CPVL: variants seen among roughly 807,000 people sequenced by gnomAD.
CPVL encodes carboxypeptidase vitellogenic like, also known as probable serine carboxypeptidase CPVL.
Under a neutral mutation model 63.7 loss-of-function variants are expected in CPVL, and 51 were observed. That is an observed-to-expected ratio of 0.80 (90% CI 0.64 to 1.01). CPVL has a LOEUF of 1.01. CPVL is among the 50% of genes least tolerant of loss of function. The pLI, the probability that CPVL is intolerant of heterozygous loss-of-function variation, is 0.00. For synonymous variants in CPVL, 195 were observed against 206.0 expected (o/e 0.95, Z 0.46); for missense variants, 530 against 573.1 (o/e 0.92, Z 0.77).
At chr7:29,086,590 A>T (rs759691043) in intron 6 of CPVL, 40 bp from the exon 7 acceptor site, 1 of 1,408,776 alleles carries the variant, frequency 7.1e-7, no homozygotes, top group Non-Finnish European at 1.0e-6. Context: ...ATTAATCAGA[A>T]AAATGATTCA....
chr7:29,187,310 G>A (rs191787667), intron 1 of CPVL, among the ~76,000 whole-genome samples: 350 of 152,104 alleles, frequency 2.3e-3, no homozygotes, highest in African/African-American at 7.7e-3. Context: ...CCAGATGTAA[G>A]ACATTATCAT....
At chr7:29,063,966 T>TAAAA in intron 11 of CPVL, 95 bp downstream of exon 11, 5 of 691,890 alleles carry the variant, frequency 7.2e-6, no homozygotes, top group Non-Finnish European at 1.2e-5. Flanking sequence ...TCATAAAAGT[T>TAAAA]AAAAAAAAAA....
At chr7:29,151,998 G>C (rs1793658543) in intron 5 of CPVL, among the ~76,000 whole-genome samples, 1 of 152,144 alleles carries the variant, frequency 6.6e-6, no homozygotes, top group Non-Finnish European at 1.5e-5. Context: ...TCTTGTTTAG[G>C]TTTTATTTTA....
chr7:29,122,048 T>C (rs1789440018), intron 1 of CPVL, among the ~76,000 whole-genome samples: 1 of 152,230 alleles, frequency 6.6e-6, no homozygotes, highest in Non-Finnish European at 1.5e-5. Context: ...TGTATAATTA[T>C]TTACTTGAAC....
At chr7:29,125,152 CATA>C (rs1789864857) in intron 1 of CPVL, 1 of 152,080 alleles carries the variant, frequency 6.6e-6, no homozygotes, top group African/African-American at 2.4e-5. Context: ...GAGTACAGTT[CATA>C]ATGAGAGTGC....
chr7:29,031,661 T>A lies in CPVL; in HGVS notation c.1138-902A>T, dbSNP rs114339892. On this transcript the variant is annotated intron_variant, in intron 11 of 12. Coordinates refer to ENST00000265394, the MANE Select transcript of CPVL (RefSeq NM_031311.5). ...GTAGAATATATTCTAGGAAAACAGG[T>A]CCAAAGAAATTTTAAAAAATTATAT... Among the ~76,000 whole-genome samples, 1,423 of 151,992 alleles carry A rather than the reference T, an allele frequency of 9.4e-3. 28 individuals carry two copies. Among genetic ancestry groups the A allele is most frequent in the African/African-American group, 0.033 (1,356 of 41,454 alleles).
intron 1 of CPVL, among the ~76,000 whole-genome samples, chr7:29,137,898 C>G (rs1791415684): frequency 2.0e-5 from 3 of 152,136 alleles, no homozygotes; most frequent in African/African-American, 7.2e-5. Context: ...CAGTAGAGAG[C>G]TGATCAGGGA....
intron 5 of CPVL, among the ~76,000 whole-genome samples, chr7:29,161,021 C>T (rs1795101884): frequency 3.3e-5 from 5 of 152,098 alleles, no homozygotes; most frequent in Admixed American, 3.3e-4. Flanking sequence ...TTTAATTTCT[C>T]ACCCTTCTTT....
chr7:29,157,664 G>C (rs1794594964), intron 5 of CPVL, among the ~76,000 whole-genome samples: 2 of 152,260 alleles, frequency 1.3e-5, no homozygotes, highest in African/African-American at 4.8e-5. Context: ...TGTTTCATTG[G>C]AGATAAATCC....
intron 1 of CPVL, chr7:29,126,621 G>C (rs1197616778): frequency 6.6e-6 from 1 of 152,178 alleles, no homozygotes; most frequent in Non-Finnish European, 1.5e-5. Flanking sequence ...AACAAACAAA[G>C]AGCAGGTATT....
Position 29,072,284 on chromosome 7 carries a change from C to G in CPVL, c.732+17G>C. The stretch of plus-strand genomic sequence containing the variant: ...CCCCCTAAGAGACAAAATAGAAAGT[C>G]AGAAGGAGAAACCTACTGATTCGGG... On this transcript the variant is annotated intron_variant, in intron 8 of 12. Transcript: ENST00000265394. The G allele has an allele frequency of 6.2e-7, 1 of 1,613,600 alleles. No individual in the cohort carries two copies. The highest frequency in any genetic ancestry group is 1.1e-5 in the South Asian group (1 of 90,962).
intron 1 of CPVL, among the ~76,000 whole-genome samples, chr7:29,127,294 G>T (rs1790135491): frequency 6.6e-6 from 1 of 152,190 alleles, no homozygotes; most frequent in Non-Finnish European, 1.5e-5. Flanking sequence ...GGCCATGCCT[G>T]TGACTAAAGG....
intron 7 of CPVL, among the ~76,000 whole-genome samples, chr7:29,076,572 A>C (rs1269822560): frequency 1.3e-5 from 2 of 152,236 alleles, no homozygotes; most frequent in Non-Finnish European, 2.9e-5. Flanking sequence ...AGCACTCAAC[A>C]CATCAGAATT....
intron 11 of CPVL, among the ~76,000 whole-genome samples, chr7:29,058,719 T>C (rs1196267021): frequency 6.6e-6 from 1 of 152,120 alleles, no homozygotes; most frequent in Non-Finnish European, 1.5e-5. Context: ...TTTCACTCCA[T>C]GCTCTTCTTG....
intron 3 of CPVL, among the ~76,000 whole-genome samples, chr7:29,102,816 G>A (rs1239681855): frequency 2.0e-5 from 3 of 152,160 alleles, no homozygotes; most frequent in Non-Finnish European, 4.4e-5. Flanking sequence ...CCCAGAAAGA[G>A]AGAAGTTATC....
intron 3 of CPVL, among the ~76,000 whole-genome samples, chr7:29,109,439 TC>T (rs1788037880): frequency 6.6e-6 from 1 of 152,166 alleles, no homozygotes; most frequent in South Asian, 2.1e-4. Flanking sequence ...ATCAGCTGCT[TC>T]CCTATGACAG....
chr7:29,102,844 T>C (rs1787295900), intron 3 of CPVL, among the ~76,000 whole-genome samples: 1 of 152,196 alleles, frequency 6.6e-6, no homozygotes, highest in South Asian at 2.1e-4. Flanking sequence ...CCAGAATCTC[T>C]ACAAAAAGGA....
intron 9 of CPVL, among the ~76,000 whole-genome samples, chr7:29,068,158 C>G (rs1305692255): frequency 6.6e-6 from 1 of 151,892 alleles, no homozygotes; most frequent in East Asian, 1.9e-4. Flanking sequence ...GCGCCTGCCA[C>G]CACGCCCAGC....
intron 5 of CPVL, among the ~76,000 whole-genome samples, chr7:29,152,461 G>T (rs974753675): frequency 5.9e-5 from 9 of 152,074 alleles, no homozygotes; most frequent in African/African-American, 1.7e-4. Context: ...TTTGAAAATG[G>T]AAGTCATAAC....
Sources: gnomAD v4.1 joint callset for allele counts (sites outside exome capture counted in the v4.1 genomes callset) on GRCh38, gnomAD v4.1.1 for gene constraint, MANE v1.5 for transcripts, NCBI Gene and HGNC (gene_info 2026-07-23, HGNC 2026-07-21) for gene names.